The following MALRD1 variants were observed in gnomAD, a reference collection of about 807,000 sequenced individuals.
MALRD1 encodes the protein MAM and LDL receptor class A domain containing 1.
In MALRD1, 247 loss-of-function variants were observed where a neutral mutation model predicts 242.1. That is an observed-to-expected ratio of 1.02 (90% CI 0.92 to 1.13). MALRD1 has a LOEUF of 1.13. MALRD1 is among the 50% of genes most tolerant of loss of function. The pLI is 0.00. For synonymous variants in MALRD1, 995 were observed against 866.6 expected (o/e 1.15, Z -2.60); for missense variants, 2,989 against 2,533.1 (o/e 1.18, Z -3.86).
chr10:19,356,385 A>C (rs989458810), intron 26 of MALRD1, among the ~76,000 whole-genome samples: 1 of 152,166 alleles, frequency 6.6e-6, no homozygotes, highest in African/African-American at 2.4e-5. Flanking sequence ...CGAGTTAAGG[A>C]ATACCATGAA....
intron 32 of MALRD1, among the ~76,000 whole-genome samples, chr10:19,550,599 G>A (rs1031964877): frequency 6.6e-6 from 1 of 152,052 alleles, no homozygotes; most frequent in African/African-American, 2.4e-5. Context: ...TGCGGTATTT[G>A]GTTTTCTGTT....
chr10:19,387,298 CTTT>C (rs36070001), intron 26 of MALRD1, among the ~76,000 whole-genome samples: 16 of 143,226 alleles, frequency 1.1e-4, no homozygotes, highest in African/African-American at 1.0e-4. Flanking sequence ...TAAAGTGATG[CTTT>C]TTTTTTTTTT....
At chr10:19,353,047 C>T (rs1844465651) in intron 26 of MALRD1, among the ~76,000 whole-genome samples, 1 of 151,770 alleles carries the variant, frequency 6.6e-6, no homozygotes, top group Admixed American at 6.6e-5. Context: ...AGCTCAGTCA[C>T]CCACACTGGA....
intron 38 of MALRD1, among the ~76,000 whole-genome samples, chr10:19,723,618 T>C (rs1834876632): frequency 2.0e-5 from 3 of 152,044 alleles, no homozygotes; most frequent in African/African-American, 7.2e-5. Flanking sequence ...GGCATGCACC[T>C]ATAGTCCCAG....
chr10:19,171,637 TAC>T lies in MALRD1; in HGVS notation c.1831-3561_1831-3560del, dbSNP rs61575769. ...ATATATGTCTATGTGTGTATATAAA[TAC>T]ACACACACATATATATGTCTATGTG... On this transcript the variant is annotated intron_variant, in intron 13 of 39. Coordinates refer to ENST00000454679, the MANE Select transcript of MALRD1 (RefSeq NM_001142308.3). 9.5e-5 allele frequency among the ~76,000 whole-genome samples: 10 copies of T among 104,900 alleles called. No individual in the cohort carries two copies. In the East Asian group the frequency reaches 1.3e-3, roughly 14 times the overall value. 68.8% of individuals were successfully genotyped at this position (104,900 alleles called of 152,430 possible). A position where few individuals can be genotyped will look rare whatever the true frequency, so the allele number is the denominator to read the frequency against.
intron 24 of MALRD1, among the ~76,000 whole-genome samples, chr10:19,346,987 T>C (rs747503593): frequency 2.0e-5 from 3 of 152,126 alleles, no homozygotes; most frequent in Non-Finnish European, 2.9e-5. Flanking sequence ...GAATATTGAC[T>C]TAAAAATGAA....
intron 38 of MALRD1, among the ~76,000 whole-genome samples, chr10:19,709,380 G>A (rs186783495): frequency 2.6e-5 from 4 of 151,988 alleles, no homozygotes; most frequent in Non-Finnish European, 2.9e-5. Context: ...TTGGAGATTG[G>A]CCACTGCACT....
chr10:19,083,792 A>G (rs1444393387), intron 2 of MALRD1, among the ~76,000 whole-genome samples: 1 of 152,012 alleles, frequency 6.6e-6, no homozygotes, highest in South Asian at 2.1e-4. Context: ...GGCAAGTTAA[A>G]GCCCATAAAA....
At chr10:19,191,701 A>G (rs1835982677) in intron 14 of MALRD1, among the ~76,000 whole-genome samples, 1 of 152,198 alleles carries the variant, frequency 6.6e-6, no homozygotes, top group Admixed American at 6.5e-5. Flanking sequence ...CAAAGTGAAT[A>G]AAACTTGAGG....
chr10:19,299,379 C>T (rs960727489), intron 21 of MALRD1, among the ~76,000 whole-genome samples: 11 of 151,786 alleles, frequency 7.2e-5, no homozygotes, highest in Admixed American at 5.9e-4. Flanking sequence ...TGTTGCTAGT[C>T]TAATTTCAGA....
chr10:19,291,774 G>A (rs77278291), intron 21 of MALRD1, among the ~76,000 whole-genome samples: 1 of 150,892 alleles, frequency 6.6e-6, no homozygotes, highest in Admixed American at 6.6e-5. Flanking sequence ...TTGCTCTAAG[G>A]TCCTTCCATT....
intron 22 of MALRD1, among the ~76,000 whole-genome samples, chr10:19,326,557 A>T (rs1183285024): frequency 6.6e-6 from 1 of 151,976 alleles, no homozygotes; most frequent in East Asian, 1.9e-4. Flanking sequence ...TTCAAAATTG[A>T]TTTTTACTGA....
At chr10:19,447,311 C>T (rs1835052071) in intron 28 of MALRD1, among the ~76,000 whole-genome samples, 1 of 152,072 alleles carries the variant, frequency 6.6e-6, no homozygotes, top group African/African-American at 2.4e-5. Context: ...CTCCATTCCA[C>T]ATTTAGATGA....
chr10:19,683,670 G>A (rs945949583), intron 36 of MALRD1, among the ~76,000 whole-genome samples: 2 of 152,092 alleles, frequency 1.3e-5, no homozygotes, highest in Non-Finnish European at 2.9e-5. Context: ...TTTACAGCCA[G>A]AAATTTATTA....
At chr10:19,580,845 G>A (rs1837083714) in intron 33 of MALRD1, among the ~76,000 whole-genome samples, 1 of 151,914 alleles carries the variant, frequency 6.6e-6, no homozygotes, top group Non-Finnish European at 1.5e-5. Context: ...TTTGGTCATG[G>A]CCAAACAAGC....
At chr10:19,489,548 C>T (rs1837390662) in intron 29 of MALRD1, 4 of 634,900 alleles carry the variant, frequency 6.3e-6, no homozygotes, top group Non-Finnish European at 1.0e-5. Flanking sequence ...CCATCTCATC[C>T]TATTTTTTAA....
rs1203339393 is a variant in MALRD1 at position 19,216,115 on chromosome 10, C to CTTTTTT, written c.2991+6438_2991+6439insTTTTTT. ...TTTCTACTTCTTTCTTTCTTTCTTTCTTTCTTTTTTTTTTTTTTTTGAGAC... is the reference window on the plus strand; with the variant it reads ...TTTCTACTTCTTTCTTTCTTTCTTTCTTTTTTTTTCTTTTTTTTTTTTTTTTGAGAC... On this transcript the variant is annotated intron_variant, in intron 18 of 39. Coordinates refer to ENST00000454679, the MANE Select transcript of MALRD1 (RefSeq NM_001142308.3). 1.9e-4 allele frequency among the ~76,000 whole-genome samples: 22 copies of CTTTTTT among 114,338 alleles called. No homozygotes were observed. In the East Asian group the frequency reaches 2.3e-3, roughly 12 times the overall value. The allele number at this position is 114,338 out of a possible 152,430, so 75.0% of individuals were successfully genotyped here. A position where few individuals can be genotyped will look rare whatever the true frequency, so the allele number is the denominator to read the frequency against.
At chr10:19,524,346 G>A (rs1453142671) in intron 31 of MALRD1, among the ~76,000 whole-genome samples, 2 of 152,034 alleles carry the variant, frequency 1.3e-5, no homozygotes, top group African/African-American at 2.4e-5. Flanking sequence ...GCGTGGTGGT[G>A]CGTGCCTGTA....
chr10:19,332,179 T>TG (rs1393968891), intron 24 of MALRD1, among the ~76,000 whole-genome samples: 1 of 150,862 alleles, frequency 6.6e-6, no homozygotes, highest in Non-Finnish European at 1.5e-5. Flanking sequence ...TAAATGTTGT[T>TG]TTTTTTTTTT....
Sources: gnomAD v4.1 joint callset for allele counts (sites outside exome capture counted in the v4.1 genomes callset) on GRCh38, gnomAD v4.1.1 for gene constraint, MANE v1.5 for transcripts, NCBI Gene and HGNC (gene_info 2026-07-23, HGNC 2026-07-21) for gene names.